The following DACH1 variants were observed in gnomAD, a reference collection of about 807,000 sequenced individuals.
The protein encoded by DACH1 is dachshund family transcription factor 1.
Under a neutral mutation model 54.2 loss-of-function variants are expected in DACH1, and 12 were observed. That is an observed-to-expected ratio of 0.22 (90% CI 0.14 to 0.36). DACH1 has a LOEUF of 0.36. Ranked by LOEUF, DACH1 falls within the 10% of genes least tolerant of loss-of-function variation. The pLI is 1.00. For synonymous variants in DACH1, 386 were observed against 366.2 expected, an observed-to-expected ratio of 1.05 and a Z score of -0.62; for missense variants, 805 against 929.8, an observed-to-expected ratio of 0.87 and a Z score of 1.75.
intron 6 of DACH1, among the ~76,000 whole-genome samples, chr13:71,528,335 T>C (rs937170212): frequency 2.0e-5 from 3 of 152,078 alleles, no homozygotes; most frequent in African/African-American, 7.2e-5. Context: ...ATTTACAGGT[T>C]AATTTCATCA....
intron 6 of DACH1, among the ~76,000 whole-genome samples, chr13:71,535,619 G>C (rs559422332): frequency 1.3e-5 from 2 of 151,928 alleles, no homozygotes; most frequent in South Asian, 4.2e-4. Context: ...ACACTGCTTT[G>C]ATGCTGAATT....
intron 6 of DACH1, among the ~76,000 whole-genome samples, chr13:71,521,746 C>T (rs534066613): frequency 1.1e-4 from 16 of 152,182 alleles, no homozygotes; most frequent in South Asian, 6.2e-4. Context: ...ATCGCCTACG[C>T]GGTCAGCCTC....
At chr13:71,521,033 A>G (rs1317650542) in intron 6 of DACH1, among the ~76,000 whole-genome samples, 2 of 152,070 alleles carry the variant, frequency 1.3e-5, no homozygotes, top group Non-Finnish European at 2.9e-5. Context: ...TTAAGTGAAT[A>G]GCATTGTGGC....
chr13:71,804,866 A>T (rs1011471427), intron 1 of DACH1, among the ~76,000 whole-genome samples: 3 of 152,124 alleles, frequency 2.0e-5, no homozygotes, highest in African/African-American at 7.2e-5. Flanking sequence ...ATTTACCTAC[A>T]TATTTATATC....
In DACH1 at chr13:71,471,542, C is replaced by T. The variant is rs578100882; in HGVS notation, c.2083+3599G>A. ...TTGGGAGGCCAAGCTGGGCGGATCA[C>T]AAGGTCAGGAGTTCGAGACCAGCCT... On this transcript the variant is annotated intron_variant, in intron 10 of 10. Transcript: ENST00000613252. Among the ~76,000 whole-genome samples the T allele has an allele frequency of 4.6e-5, 7 of 152,130 alleles. 1 individual carries two copies. The highest frequency in any genetic ancestry group is 1.7e-4 in the African/African-American group (7 of 41,506).
At chr13:71,469,446 T>C (rs1876878154) in intron 10 of DACH1, among the ~76,000 whole-genome samples, 1 of 151,606 alleles carries the variant, frequency 6.6e-6, no homozygotes. Context: ...ACAAAACAAA[T>C]AACAACAACA....
chr13:71,689,804 T>C (rs887464682), intron 1 of DACH1, among the ~76,000 whole-genome samples: 2 of 152,148 alleles, frequency 1.3e-5, no homozygotes, highest in Admixed American at 1.3e-4. Flanking sequence ...CAGCCTAAAA[T>C]ACTAAAGAGA....
chr13:71,477,805 C>G (rs148256827), intron 8 of DACH1, among the ~76,000 whole-genome samples: 1 of 152,306 alleles, frequency 6.6e-6, no homozygotes, highest in Admixed American at 6.5e-5. Flanking sequence ...GTCATGTTCT[C>G]TCTCTTCAGG....
rs146471949 is a variant in DACH1 at position 71,675,320 on chromosome 13, A to T, written c.964+6475T>A. On this transcript the variant is annotated intron_variant, in intron 2 of 10. Coordinates refer to ENST00000613252, the MANE Select transcript of DACH1 (RefSeq NM_080759.6). ...TACTTTAAAACAGATCTGCGCTTCC[A>T]GAGCGCAGCTATCGGTGCTTTGCAG... 10,084 of 1,593,436 alleles carry T rather than the reference A, an allele frequency of 6.3e-3. 255 individuals are homozygous for T. In the African/African-American group the frequency reaches 0.066, roughly 10 times the overall value.
chr13:71,725,194 C>G (rs888453392), intron 1 of DACH1, among the ~76,000 whole-genome samples: 1 of 151,902 alleles, frequency 6.6e-6, no homozygotes, highest in African/African-American at 2.4e-5. Flanking sequence ...TGAATGTTAG[C>G]GTCAAAAAAC....
chr13:71,599,736 T>A (rs1874357631), intron 3 of DACH1, among the ~76,000 whole-genome samples: 1 of 152,076 alleles, frequency 6.6e-6, no homozygotes, highest in African/African-American at 2.4e-5. Flanking sequence ...CTCATTGATT[T>A]CATACTAATT....
chr13:71,795,934 T>C (rs1887028268), intron 1 of DACH1, among the ~76,000 whole-genome samples: 1 of 152,098 alleles, frequency 6.6e-6, no homozygotes, highest in South Asian at 2.1e-4. Context: ...CAAGAAGAAA[T>C]TGGGCTAATC....
Position 71,865,928 on chromosome 13 carries a change from T to C in DACH1, c.842A>G (p.Asn281Ser), listed in dbSNP as rs796286924. 1 of 1,605,542 alleles carries C rather than the reference T, an allele frequency of 6.2e-7. No individual in the cohort carries two copies. The highest frequency in any genetic ancestry group is 8.5e-7 in the Non-Finnish European group (1 of 1,175,520). Residue 281 changes from asparagine to serine, a missense_variant, in exon 1 of 11, where the codon AAC (asparagine) becomes AGC (serine). Transcript: ENST00000613252. ...GCTATCCCCCCCGACTCACCTTGCG[T>C]TGGTGCAGTCATTGTAGAGGGTCTC... Reference protein sequence around the residue: ...DFETLYNDCTNASSRPGRPPK... With the variant: ...DFETLYNDCTSASSRPGRPPK...
At chr13:71,671,651 G>T (rs539137455) in intron 2 of DACH1, among the ~76,000 whole-genome samples, 1 of 152,068 alleles carries the variant, frequency 6.6e-6, no homozygotes, top group Non-Finnish European at 1.5e-5. Flanking sequence ...AAAATTTACA[G>T]CTGATGGTTA....
At chr13:71,500,281 T>G (rs1879800894) in intron 6 of DACH1, among the ~76,000 whole-genome samples, 1 of 152,062 alleles carries the variant, frequency 6.6e-6, no homozygotes, top group Admixed American at 6.6e-5. Context: ...TAATATGACT[T>G]TAGAAGTAAA....
chr13:71,475,294 G>T, intron 9 of DACH1, 85 bp from the exon 10 acceptor site: 3 of 1,103,828 alleles, frequency 2.7e-6, no homozygotes, highest in Non-Finnish European at 1.4e-6. Flanking sequence ...TGTTACTTTG[G>T]TGCTGAATTA....
At chr13:71,531,704 G>A (rs1882427316) in intron 6 of DACH1, among the ~76,000 whole-genome samples, 1 of 151,862 alleles carries the variant, frequency 6.6e-6, no homozygotes, top group South Asian at 2.1e-4. Context: ...GGAAATAGAA[G>A]TAAGATTTTT....
At chr13:71,777,988 G>T (rs1309496658) in intron 1 of DACH1, among the ~76,000 whole-genome samples, 1 of 151,684 alleles carries the variant, frequency 6.6e-6, no homozygotes, top group African/African-American at 2.4e-5. Flanking sequence ...GTAAGGGGTT[G>T]TGCCTAGAGT....
chr13:71,803,299 C>A (rs1033016056), intron 1 of DACH1, among the ~76,000 whole-genome samples: 1 of 152,088 alleles, frequency 6.6e-6, no homozygotes, highest in East Asian at 1.9e-4. Flanking sequence ...AGATTCTTAA[C>A]AAACACCCTC....
Sources: allele counts gnomAD v4.1 joint callset (sites outside exome capture counted in the v4.1 genomes callset), GRCh38; gene constraint gnomAD v4.1.1; transcripts MANE v1.5; gene names NCBI Gene and HGNC (gene_info 2026-07-23, HGNC 2026-07-21).